Variants in MEIS2 observed in about 807,000 individuals in gnomAD.
MEIS2 encodes the protein Meis homeobox 2.
MEIS2 carries 9 observed loss-of-function variants against 58.6 expected under a neutral mutation model. The ratio of observed to expected loss-of-function variants is 0.15; its 90% CI spans 0.09 to 0.27. MEIS2 has a LOEUF of 0.27. Among genes scored for constraint, MEIS2 ranks in the 10% least tolerant of loss-of-function variants. MEIS2 has a pLI of 1.00. For missense variants in MEIS2, 427 were observed against 635.0 expected, an observed-to-expected ratio of 0.67 and a Z score of 3.52; for synonymous variants, 221 against 228.4, an observed-to-expected ratio of 0.97 and a Z score of 0.29.
chr15:36,976,324 T>C (rs1202464918), intron 8 of MEIS2, among the ~76,000 whole-genome samples: 2 of 151,954 alleles, frequency 1.3e-5, no homozygotes, highest in East Asian at 3.9e-4. Flanking sequence ...GACCTTGTGA[T>C]TCACCCGCCT....
intron 7 of MEIS2, among the ~76,000 whole-genome samples, chr15:37,047,046 G>T (rs2062704613): frequency 6.6e-6 from 1 of 152,114 alleles, no homozygotes; most frequent in Non-Finnish European, 1.5e-5. Flanking sequence ...CAGGATAAAA[G>T]AATGTACTTG....
intron 8 of MEIS2, among the ~76,000 whole-genome samples, chr15:36,996,001 A>ATATGTGTG (rs1555446465): frequency 2.3e-4 from 24 of 102,884 alleles, no homozygotes; most frequent in African/African-American, 6.2e-4. Context: ...ATATATATAT[A>ATATGTGTG]TGTATATATA....
At chr15:36,990,612 C>G (rs1235299118) in intron 8 of MEIS2, among the ~76,000 whole-genome samples, 1 of 145,722 alleles carries the variant, frequency 6.9e-6, no homozygotes, top group Non-Finnish European at 1.5e-5. Context: ...TAAGTATATA[C>G]AGTTTATTGG....
At chr15:37,051,277 A>AGT (rs770987313) in intron 7 of MEIS2, among the ~76,000 whole-genome samples, 2 of 152,212 alleles carry the variant, frequency 1.3e-5, no homozygotes, top group Non-Finnish European at 2.9e-5. Flanking sequence ...CTGAAATACT[A>AGT]CTCAGCAACA....
In MEIS2 at chr15:36,946,068, T is replaced by C. The variant is rs548415018; in HGVS notation, c.977+4256A>G. ...AACATTTAAGTTAATATTATAATTC[T>C]GATATAGCACTGAGAAAAGTTACAT... On this transcript the variant is annotated intron_variant, in intron 9 of 11. Transcript: ENST00000561208. Among the ~76,000 whole-genome samples, 3 of 152,078 alleles carry C rather than the reference T, an allele frequency of 2.0e-5. No homozygotes were observed. The South Asian group carries it at 6.2e-4, about 32-fold the overall frequency.
At chr15:36,973,938 T>TA (rs1325433220) in intron 8 of MEIS2, among the ~76,000 whole-genome samples, 5 of 152,338 alleles carry the variant, frequency 3.3e-5, no homozygotes, top group Non-Finnish European at 7.3e-5. Context: ...AACTTGTACT[T>TA]ACGTATTTCT....
intron 6 of MEIS2, among the ~76,000 whole-genome samples, chr15:37,091,720 T>C (rs1382227527): frequency 1.3e-5 from 2 of 152,214 alleles, no homozygotes; most frequent in African/African-American, 4.8e-5. Flanking sequence ...TTATCTTTTC[T>C]ATGTAAACAT....
intron 9 of MEIS2, among the ~76,000 whole-genome samples, chr15:36,934,809 T>C (rs958604935): frequency 1.3e-5 from 2 of 152,202 alleles, no homozygotes; most frequent in Non-Finnish European, 2.9e-5. Flanking sequence ...TCAATTTAGA[T>C]GTTTGTAAAA....
At chr15:37,074,533 C>T (rs1046317856) in intron 7 of MEIS2, among the ~76,000 whole-genome samples, 2 of 151,908 alleles carry the variant, frequency 1.3e-5, no homozygotes, top group African/African-American at 4.8e-5. Context: ...TCATCTAATT[C>T]AATCTTATTT....
chr15:37,046,254 G>A (rs1256815938), intron 7 of MEIS2, among the ~76,000 whole-genome samples: 8 of 152,182 alleles, frequency 5.3e-5, no homozygotes, highest in Admixed American at 5.2e-4. Flanking sequence ...CTACAACCTG[G>A]AGAAGGCAAC....
At chr15:36,936,811 T>A (rs1383533128) in intron 9 of MEIS2, among the ~76,000 whole-genome samples, 1 of 152,224 alleles carries the variant, frequency 6.6e-6, no homozygotes, top group African/African-American at 2.4e-5. Context: ...CAGGACTGGA[T>A]GGATAACAAG....
At chr15:36,973,162 G>A (rs2059625683) in intron 8 of MEIS2, among the ~76,000 whole-genome samples, 1 of 152,102 alleles carries the variant, frequency 6.6e-6, no homozygotes, top group Non-Finnish European at 1.5e-5. Flanking sequence ...GTATTTGGGA[G>A]GATTAAGTAA....
chr15:36,901,628 A>G (rs573444230), intron 9 of MEIS2, among the ~76,000 whole-genome samples: 1 of 152,286 alleles, frequency 6.6e-6, no homozygotes, highest in South Asian at 2.1e-4. Context: ...AATTTGATAG[A>G]ATACTAGATT....
intron 9 of MEIS2, among the ~76,000 whole-genome samples, chr15:36,949,794 C>A (rs1192242165): frequency 6.6e-6 from 1 of 151,916 alleles, no homozygotes; most frequent in Non-Finnish European, 1.5e-5. Flanking sequence ...TACACCAGCA[C>A]GGGAGTAATC....
At chr15:37,056,876 G>C (rs549237341) in intron 7 of MEIS2, among the ~76,000 whole-genome samples, 4 of 152,336 alleles carry the variant, frequency 2.6e-5, no homozygotes, top group South Asian at 2.1e-4. Flanking sequence ...TAAAGAGGCC[G>C]AGCTAGGTTA....
chr15:37,083,192 T>A (rs890298995), intron 7 of MEIS2, among the ~76,000 whole-genome samples: 1 of 152,140 alleles, frequency 6.6e-6, no homozygotes, highest in Non-Finnish European at 1.5e-5. Flanking sequence ...TGCCCTCTGA[T>A]TATTCTAATT....
At chr15:37,081,859 T>C (rs1392841419) in intron 7 of MEIS2, among the ~76,000 whole-genome samples, 2 of 152,182 alleles carry the variant, frequency 1.3e-5, no homozygotes, top group Non-Finnish European at 2.9e-5. Flanking sequence ...CACAGAAGTT[T>C]GTGTGATTGT....
intron 8 of MEIS2, among the ~76,000 whole-genome samples, chr15:36,999,062 C>T (rs1342230244): frequency 6.6e-6 from 1 of 152,172 alleles, no homozygotes; most frequent in African/African-American, 2.4e-5. Flanking sequence ...ATCAATTCAT[C>T]ATTTTGAAAA....
intron 8 of MEIS2, among the ~76,000 whole-genome samples, chr15:37,007,486 G>T (rs909726934): frequency 5.3e-5 from 8 of 152,296 alleles, no homozygotes; most frequent in African/African-American, 1.9e-4. Flanking sequence ...CCTCCCTGAG[G>T]GTGGTGCCGG....
Sources: gnomAD v4.1 joint callset for allele counts (sites outside exome capture counted in the v4.1 genomes callset) on GRCh38, gnomAD v4.1.1 for gene constraint, MANE v1.5 for transcripts, NCBI Gene and HGNC (gene_info 2026-07-23, HGNC 2026-07-21) for gene names.